PCDHGB6: variants seen among roughly 807,000 people sequenced by gnomAD.
The protein encoded by PCDHGB6 is protocadherin gamma-B6.
Under a neutral mutation model 59.1 loss-of-function variants are expected in PCDHGB6, and 51 were observed. The ratio of observed to expected loss-of-function variants is 0.86; its 90% CI spans 0.69 to 1.09. PCDHGB6 has a LOEUF of 1.09. PCDHGB6 is among the 50% of genes least tolerant of loss of function. The pLI, the probability that PCDHGB6 is intolerant of heterozygous loss-of-function variation, is 0.00. For missense variants in PCDHGB6, 1,148 were observed against 1,205.1 expected (o/e 0.95, Z 0.70); for synonymous variants, 466 against 495.1 (o/e 0.94, Z 0.78).
intron 1 of PCDHGB6, among the ~76,000 whole-genome samples, chr5:141,435,444 A>T (rs1471113812): frequency 1.3e-5 from 2 of 152,216 alleles, no homozygotes; most frequent in South Asian, 2.1e-4. Context: ...TTTCATTAAT[A>T]CGATATCTGT....
In PCDHGB6 at chr5:141,491,996, G is replaced by T; in HGVS notation, c.2419-2811G>T. ...TCCTTCGAGCTTCCGGTGAATTTCG[G>T]GCGATTTCCGCGGGTGTCGGGGGTC... is the stretch of plus-strand genomic sequence containing the variant. On this transcript the variant is annotated intron_variant, in intron 1 of 3. Coordinates refer to ENST00000520790, the MANE Select transcript of PCDHGB6 (RefSeq NM_018926.3). This position sits in a 1 kb window ranked among gnomAD's most constrained non-coding sequence, Gnocchi z 6.9. The T allele has an allele frequency of 2.9e-6, 2 of 686,328 alleles. No individual in the cohort carries two copies. Among genetic ancestry groups the T allele is most frequent in the Non-Finnish European group, 4.5e-6 (2 of 441,080 alleles). 42.5% of individuals were successfully genotyped at this position (686,328 alleles called of 1,614,324 possible). A position where few individuals can be genotyped will look rare whatever the true frequency, so the allele number is the denominator to read the frequency against.
At chr5:141,463,261 T>G (rs552225283) in intron 1 of PCDHGB6, among the ~76,000 whole-genome samples, 29 of 152,134 alleles carry the variant, frequency 1.9e-4, no homozygotes, top group African/African-American at 6.3e-4. Context: ...TAGTACTCTA[T>G]CCCATAAATT....
Position 141,431,297 on chromosome 5 carries a change from C to G in PCDHGB6, c.2418+20677C>G. Reference sequence around the variant, plus strand: ...GCTCAGCCCGAACACTCACTTCTCCCTCATCGTGCAAAATGGAGCCGACGG... The same window carrying G: ...GCTCAGCCCGAACACTCACTTCTCCGTCATCGTGCAAAATGGAGCCGACGG... On this transcript the variant is annotated intron_variant, in intron 1 of 3. Transcript: ENST00000520790. The surrounding 1 kb of genome is among the most constrained non-coding windows in gnomAD (Gnocchi z 4.8). The G allele has an allele frequency of 6.2e-7, 1 of 1,614,126 alleles. No individual in the cohort carries two copies. The highest frequency in any genetic ancestry group is 8.5e-7 in the Non-Finnish European group (1 of 1,180,036).
Position 141,423,580 on chromosome 5 carries a change from A to C in PCDHGB6, c.2418+12960A>C, listed in dbSNP as rs368022774. 46 of 1,613,286 alleles carry C rather than the reference A, an allele frequency of 2.9e-5. No individual in the cohort carries two copies. In the African/African-American group the frequency reaches 5.6e-4, roughly 20 times the overall value. On this transcript the variant is annotated intron_variant, in intron 1 of 3. Coordinates refer to ENST00000520790, the MANE Select transcript of PCDHGB6 (RefSeq NM_018926.3). ...TGGGGACACGCTCATCAGCCAGGAGAGCTGTGAGAAAAGCGAGCCACTCTT... is the reference window on the plus strand; with the variant it reads ...TGGGGACACGCTCATCAGCCAGGAGCGCTGTGAGAAAAGCGAGCCACTCTT...
intron 1 of PCDHGB6, among the ~76,000 whole-genome samples, chr5:141,456,276 C>T (rs1319517390): frequency 1.3e-5 from 2 of 152,146 alleles, no homozygotes; most frequent in South Asian, 4.1e-4. Flanking sequence ...CTACTTCCTG[C>T]TGAAAAGGGG....
intron 1 of PCDHGB6, chr5:141,420,083 A>C (rs2096465782): frequency 2.5e-6 from 4 of 1,614,020 alleles, no homozygotes; most frequent in Non-Finnish European, 3.4e-6. Context: ...GGGTCCCCCC[A>C]ACTACAGTGA....
At chr5:141,410,701 A>C in intron 1 of PCDHGB6, 81 bp downstream of exon 1, 2 of 1,471,660 alleles carry the variant, frequency 1.4e-6, no homozygotes, top group Non-Finnish European at 9.1e-7. Context: ...TTATTTTCAT[A>C]TCTAGAATCA....
Position 141,432,151 on chromosome 5 carries a change from C to T in PCDHGB6, c.2418+21531C>T. 2 of 1,614,122 alleles carry T rather than the reference C, an allele frequency of 1.2e-6. No homozygotes were observed. The highest frequency in any genetic ancestry group is 2.2e-5 in the South Asian group (2 of 91,066). ...CCTATTCCGCTTATATCCCAGAGAA[C>T]AATCCCAGAGGAGTTTCCCTCGTCT... On this transcript the variant is annotated intron_variant, in intron 1 of 3. Transcript: ENST00000520790. The surrounding 1 kb of genome is among the most constrained non-coding windows in gnomAD (Gnocchi z 6.0).
rs548074156 is a variant in PCDHGB6 at position 141,511,069 on chromosome 5, G to A, written c.2689G>A (p.Gly897Ser). The A allele has an allele frequency of 6.2e-7, 1 of 1,614,230 alleles. No individual in the cohort carries two copies. Among genetic ancestry groups the A allele is most frequent in the Non-Finnish European group, 8.5e-7 (1 of 1,180,034 alleles). ...CTACCGCCAGAATGTCTACATCCCA[G>A]GCAGCAATGCCACACTGACCAACGC... ...PDYRQNVYIP[G>S]SNATLTNAAG... The change falls in exon 4 of 4, where the codon GGC becomes AGC. Residue 897 changes from glycine (G) to serine (S), a missense_variant. Physicochemically the swap from Gly to Ser is moderately conservative, Grantham distance 56 (BLOSUM62 0). Transcript: ENST00000520790.
chr5:141,512,241 G>A lies in PCDHGB6; in HGVS notation c.*1068G>A, dbSNP rs533051658. On this transcript the variant is annotated 3_prime_UTR_variant, in exon 4 of 4. Coordinates refer to ENST00000520790, the MANE Select transcript of PCDHGB6 (RefSeq NM_018926.3). ...CCAGGTCCCCTTGAGAGGTCAGAGGGGCCTCTGTGGGTGCTGGGTACTCCA... is the reference window on the plus strand; with the variant it reads ...CCAGGTCCCCTTGAGAGGTCAGAGGAGCCTCTGTGGGTGCTGGGTACTCCA... 1 of 152,866 alleles carries A rather than the reference G, an allele frequency of 6.5e-6. No individual in the cohort carries two copies. The highest frequency in any genetic ancestry group is 2.1e-4 in the South Asian group (1 of 4,824). 9.5% of individuals were successfully genotyped at this position (152,866 alleles called of 1,614,324 possible).
In PCDHGB6 at chr5:141,426,211, G is replaced by A. The variant is rs184669298; in HGVS notation, c.2418+15591G>A. On this transcript the variant is annotated intron_variant, in intron 1 of 3. Coordinates refer to ENST00000520790, the MANE Select transcript of PCDHGB6 (RefSeq NM_018926.3). ...TGGGAGCATTGAGTTTTCTATGTAT[G>A]GAAGTAAATATTTTAAAAGCACTTT... The A allele has an allele frequency of 7.7e-4, 121 of 157,870 alleles. 1 individual carries two copies. The highest frequency in any genetic ancestry group is 7.4e-4 in the South Asian group (4 of 5,398). 9.8% of individuals were successfully genotyped at this position (157,870 alleles called of 1,614,324 possible). A position where few individuals can be genotyped will look rare whatever the true frequency, so the allele number is the denominator to read the frequency against.
At chr5:141,472,359 G>T (rs2099278248) in intron 1 of PCDHGB6, among the ~76,000 whole-genome samples, 1 of 151,944 alleles carries the variant, frequency 6.6e-6, no homozygotes, top group Admixed American at 6.6e-5. Flanking sequence ...GGCTAACACG[G>T]TGAAACCCCG....
At chr5:141,508,879 G>A (rs2547559) in intron 3 of PCDHGB6, among the ~76,000 whole-genome samples, 2 of 152,070 alleles carry the variant, frequency 1.3e-5, no homozygotes, top group East Asian at 3.9e-4. Context: ...AGAGGCTGAC[G>A]GCTGGAGGGG....
intron 1 of PCDHGB6, among the ~76,000 whole-genome samples, chr5:141,448,451 C>T (rs1261733103): frequency 6.6e-6 from 1 of 152,032 alleles, no homozygotes; most frequent in Admixed American, 6.6e-5. Context: ...GACTTCCATC[C>T]CTATCCTACT....
chr5:141,423,805 G>GT (rs1384575574), intron 1 of PCDHGB6: 44 of 1,261,806 alleles, frequency 3.5e-5, no homozygotes, highest in South Asian at 8.9e-5. Context: ...AGCAATACAT[G>GT]TGAGTTTTAC....
At chr5:141,438,091 C>T (rs964466012) in intron 1 of PCDHGB6, among the ~76,000 whole-genome samples, 1 of 152,098 alleles carries the variant, frequency 6.6e-6, no homozygotes, top group Admixed American at 6.6e-5. Flanking sequence ...TTACCAGTAA[C>T]AGGGCATACT....
chr5:141,490,322 A>C lies in PCDHGB6; in HGVS notation c.2419-4485A>C. ...GCCTCTTTGGCCAACCCTGTCCTAGAGAGCACACCAGTGGGCACAGTAGTG... is the reference window on the plus strand; with the variant it reads ...GCCTCTTTGGCCAACCCTGTCCTAGCGAGCACACCAGTGGGCACAGTAGTG... On this transcript the variant is annotated intron_variant, in intron 1 of 3. Coordinates refer to ENST00000520790, the MANE Select transcript of PCDHGB6 (RefSeq NM_018926.3). This position sits in a 1 kb window ranked among gnomAD's most constrained non-coding sequence, Gnocchi z 5.4. The C allele has an allele frequency of 6.2e-7, 1 of 1,614,232 alleles. No individual in the cohort carries two copies. Among genetic ancestry groups the C allele is most frequent in the Non-Finnish European group, 8.5e-7 (1 of 1,180,038 alleles).
Position 141,431,581 on chromosome 5 carries a change from T to C in PCDHGB6, c.2418+20961T>C. The C allele has an allele frequency of 1.2e-6, 2 of 1,614,160 alleles. No individual in the cohort carries two copies. Among genetic ancestry groups the C allele is most frequent in the Non-Finnish European group, 1.7e-6 (2 of 1,180,022 alleles). ...CTACCGACCCTGACGAAGGAGTCAA[T>C]GCGGAAGTGAGGTATTCCTTCCGGT... On this transcript the variant is annotated intron_variant, in intron 1 of 3. Transcript: ENST00000520790. This position sits in a 1 kb window ranked among gnomAD's most constrained non-coding sequence, Gnocchi z 4.8.
intron 1 of PCDHGB6, 146 bp from the exon 2 acceptor site, chr5:141,494,661 G>C (rs2099755951): frequency 6.7e-7 from 1 of 1,492,856 alleles, no homozygotes; most frequent in African/African-American, 1.4e-5. Context: ...TTTGTCTTTG[G>C]AGATGAGTCC....
Sources: allele counts gnomAD v4.1 joint callset (sites outside exome capture counted in the v4.1 genomes callset), GRCh38; gene constraint gnomAD v4.1.1; non-coding constraint Gnocchi (gnomAD v3.1); transcripts MANE v1.5; gene names NCBI Gene and HGNC (gene_info 2026-07-23, HGNC 2026-07-21).